L3MBTL2: variants seen among roughly 807,000 people sequenced by gnomAD.
L3MBTL2 encodes the protein L3MBTL histone methyl-lysine binding protein 2.
Under a neutral mutation model 86.4 loss-of-function variants are expected in L3MBTL2, and 49 were observed. The ratio of observed to expected loss-of-function variants is 0.57; its 90% confidence interval spans 0.45 to 0.72. L3MBTL2 has a LOEUF of 0.72. Ranked by LOEUF, L3MBTL2 falls within the 30% of genes least tolerant of loss-of-function variation. L3MBTL2 has a pLI of 0.00. For synonymous variants in L3MBTL2, 336 were observed against 350.6 expected (o/e 0.96, Z 0.47); for missense variants, 755 against 923.7 (o/e 0.82, Z 2.37).
chr22:41,222,793 G>A lies in L3MBTL2; in HGVS notation c.943-1227G>A, dbSNP rs143555540. On this transcript the variant is annotated intron_variant, in intron 8 of 16. Transcript: ENST00000216237. ...AAATTAGCTGGGTGTGGTGGCATGC[G>A]CCTGTAATCCCAGCTAACTCAGGAG... Among the ~76,000 whole-genome samples the A allele has an allele frequency of 9.7e-3, 1,484 of 152,218 alleles. 29 individuals are homozygous for A. Among genetic ancestry groups the A allele is most frequent in the African/African-American group, 0.034 (1,396 of 41,542 alleles).
chr22:41,220,915 G>C (rs754677038), intron 7 of L3MBTL2, 47 bp downstream of exon 7: 1 of 1,586,272 alleles, frequency 6.3e-7, no homozygotes, highest in Non-Finnish European at 8.6e-7. Context: ...AGGGCCCCTG[G>C]TAGAGGGAGA....
chr22:41,229,011 A>G (rs1288726449), intron 15 of L3MBTL2, among the ~76,000 whole-genome samples: 1 of 152,096 alleles, frequency 6.6e-6, no homozygotes, highest in Non-Finnish European at 1.5e-5. Flanking sequence ...TGATCCCAGC[A>G]CTTTGAGAGG....
In L3MBTL2 at chr22:41,225,562, G is replaced by A. The variant is rs1019468874; in HGVS notation, c.1357-232G>A. 7.9e-5 allele frequency among the ~76,000 whole-genome samples: 12 copies of A among 152,334 alleles called. No individual in the cohort carries two copies. Among genetic ancestry groups the A allele is most frequent in the Middle Eastern group, 6.8e-3 (2 of 294 alleles). ...AAGAACACGGTCCAACAGGATGGACGCGGCCCCTGCTGGCGTGGTGTTTGC... is the reference window on the plus strand; with the variant it reads ...AAGAACACGGTCCAACAGGATGGACACGGCCCCTGCTGGCGTGGTGTTTGC... On this transcript the variant is annotated intron_variant, in intron 11 of 16. Transcript: ENST00000216237. The surrounding 1 kb of genome is among the most constrained non-coding windows in gnomAD (Gnocchi z 4.1).
Position 41,217,192 on chromosome 22 carries a change from G to GT in L3MBTL2, c.593dup (p.Lys199GlnfsTer7). ...AGTTACAAGGCTGCTCCCGTCAGCT[G>GT]TTTCAAGCACGTGAGTGCCCTGGAG... On this transcript the variant is annotated frameshift_variant, in exon 5 of 17. Coordinates refer to ENST00000216237, the MANE Select transcript of L3MBTL2 (RefSeq NM_031488.5). LOFTEE classifies it high-confidence loss of function. The GT allele has an allele frequency of 1.9e-6, 3 of 1,613,262 alleles. No homozygotes were observed. The highest frequency in any genetic ancestry group is 2.5e-6 in the Non-Finnish European group (3 of 1,179,820).
rs2032266057 is a variant in L3MBTL2, at chr22:41,227,446, TAAGTAGA to T, written c.1822+124_1822+130del. Reference sequence around the variant, plus strand: ...GGTGGAGATGTCTCATGGACCACTTTAAGTAGAGAGTGAGCCCCGTCACCCAGCCCCT... The same window carrying T: ...GGTGGAGATGTCTCATGGACCACTTTGAGTGAGCCCCGTCACCCAGCCCCT... On this transcript the variant is annotated intron_variant, in intron 14 of 16. Coordinates refer to ENST00000216237, the MANE Select transcript of L3MBTL2 (RefSeq NM_031488.5). This position sits in a 1 kb window ranked among gnomAD's most constrained non-coding sequence, Gnocchi z 6.0. The T allele has an allele frequency of 8.3e-7, 1 of 1,207,074 alleles. No individual in the cohort carries two copies. Among genetic ancestry groups the T allele is most frequent in the Non-Finnish European group, 1.2e-6 (1 of 837,346 alleles). The allele number at this position is 1,207,074 out of a possible 1,614,324, so 74.8% of individuals were successfully genotyped here.
rs115393608 is a variant in L3MBTL2 at position 41,213,388 on chromosome 22, C to G, written c.263-505C>G. Among the ~76,000 whole-genome samples the G allele has an allele frequency of 9.7e-3, 1,474 of 151,318 alleles. 30 individuals are homozygous for G. The highest frequency in any genetic ancestry group is 0.034 in the African/African-American group (1,393 of 41,142). The stretch of plus-strand genomic sequence containing the variant: ...TGCCCAGGCTAGAGGTACAGTGGTG[C>G]AGTCATGGCTCACTGCAGCCTCAGC... On this transcript the variant is annotated intron_variant, in intron 2 of 16. Transcript: ENST00000216237.
At chr22:41,213,440 G>A (rs2031073220) in intron 2 of L3MBTL2, among the ~76,000 whole-genome samples, 1 of 142,386 alleles carries the variant, frequency 7.0e-6, no homozygotes, top group East Asian at 2.1e-4. Flanking sequence ...GTTTCCCCCC[G>A]CCAAATCACA....
chr22:41,229,945 G>A (rs774648723), intron 16 of L3MBTL2, among the ~76,000 whole-genome samples, 194 bp from the exon 17 acceptor site: 6 of 152,106 alleles, frequency 3.9e-5, no homozygotes, highest in Non-Finnish European at 7.4e-5. Context: ...TGGCAGTGTC[G>A]TTGGCATAGC....
rs1193255910 is a variant in L3MBTL2, at chr22:41,225,123, A to C, written c.1356+52A>C. The C allele has an allele frequency of 2.0e-6, 3 of 1,482,216 alleles. No homozygotes were observed. In the African/African-American group the frequency reaches 4.2e-5, roughly 21 times the overall value. The allele number at this position is 1,482,216 out of a possible 1,614,324, so 91.8% of individuals were successfully genotyped here. On this transcript the variant is annotated intron_variant, in intron 11 of 16. Coordinates refer to ENST00000216237, the MANE Select transcript of L3MBTL2 (RefSeq NM_031488.5). The surrounding 1 kb of genome is among the most constrained non-coding windows in gnomAD (Gnocchi z 4.1). ...TCCAGATTTCTGAGCGGGGGGACCC[A>C]TGTGGCCCAGAGCTCTAACCCCACT...
intron 6 of L3MBTL2, among the ~76,000 whole-genome samples, 194 bp downstream of exon 6, chr22:41,219,730 T>C (rs769776420): frequency 6.6e-6 from 1 of 152,206 alleles, no homozygotes; most frequent in Non-Finnish European, 1.5e-5. Flanking sequence ...CCCCAAATTT[T>C]TTTGTTTGTT....
At chr22:41,211,557 C>CTTTCTTTTTTTTTTTTTTTTTTT (rs1039028243) in intron 2 of L3MBTL2, among the ~76,000 whole-genome samples, 1 of 97,358 alleles carries the variant, frequency 1.0e-5, no homozygotes, top group Non-Finnish European at 2.0e-5. Context: ...ATCTTATTTC[C>CTTTCTTTTTTTTTTTTTTTTTTT]TTTTTTTTTT....
At chr22:41,212,803 G>A (rs1481225274) in intron 2 of L3MBTL2, among the ~76,000 whole-genome samples, 1 of 151,578 alleles carries the variant, frequency 6.6e-6, no homozygotes, top group Non-Finnish European at 1.5e-5. Flanking sequence ...GCTGAGGCAG[G>A]AGAATCCCTT....
At chr22:41,210,006 C>T in intron 2 of L3MBTL2, 73 bp downstream of exon 2, 1 of 1,562,554 alleles carries the variant, frequency 6.4e-7, no homozygotes, top group Non-Finnish European at 8.7e-7. Context: ...TGGATATAGG[C>T]TATATGGGCA....
At chr22:41,211,557 C>CTTTCTTTTTTTTTTTTTT (rs1039028243) in intron 2 of L3MBTL2, among the ~76,000 whole-genome samples, 1,126 of 97,256 alleles carry the variant, frequency 0.012, 81 homozygotes, top group Middle Eastern at 0.027. Flanking sequence ...ATCTTATTTC[C>CTTTCTTTTTTTTTTTTTT]TTTTTTTTTT....
At chr22:41,210,011 T>A in intron 2 of L3MBTL2, 78 bp downstream of exon 2, 1 of 1,549,222 alleles carries the variant, frequency 6.5e-7, no homozygotes, top group Non-Finnish European at 8.7e-7. Context: ...ATAGGCTATA[T>A]GGGCAGAGCC....
intron 1 of L3MBTL2, among the ~76,000 whole-genome samples, chr22:41,208,154 C>G (rs1405748527): frequency 1.3e-5 from 2 of 150,062 alleles, no homozygotes; most frequent in Non-Finnish European, 3.0e-5. Flanking sequence ...TCTTTGGAGA[C>G]AGGATGTCAT....
Position 41,217,192 on chromosome 22 carries a change from G to C in L3MBTL2, c.590G>C (p.Cys197Ser). ...DHSYKAAPVS[C>S]FKHVPLYDQW... Reference sequence around the variant, plus strand: ...AGTTACAAGGCTGCTCCCGTCAGCTGTTTCAAGCACGTGAGTGCCCTGGAG... The same window carrying C: ...AGTTACAAGGCTGCTCCCGTCAGCTCTTTCAAGCACGTGAGTGCCCTGGAG... The change falls in exon 5 of 17, where the codon TGT (cysteine) becomes TCT (serine). Residue 197 changes from cysteine (C) to serine (S), a missense_variant. Coordinates refer to ENST00000216237, the MANE Select transcript of L3MBTL2 (RefSeq NM_031488.5). 1 of 1,613,264 alleles carries C rather than the reference G, an allele frequency of 6.2e-7. No individual in the cohort carries two copies. The highest frequency in any genetic ancestry group is 8.5e-7 in the Non-Finnish European group (1 of 1,179,822).
chr22:41,226,282 C>G (rs1474159508), intron 12 of L3MBTL2, among the ~76,000 whole-genome samples: 2 of 151,124 alleles, frequency 1.3e-5, no homozygotes, highest in Non-Finnish European at 3.0e-5. Flanking sequence ...GTCTTCAAAA[C>G]AAAACAGAAG....
intron 1 of L3MBTL2, among the ~76,000 whole-genome samples, chr22:41,206,333 CG>C (rs1032446460): frequency 7.2e-5 from 11 of 152,008 alleles, no homozygotes; most frequent in African/African-American, 2.7e-4. Flanking sequence ...ATTTAAGAGA[CG>C]GGGTGTTCCT....
Sources: gnomAD v4.1 joint callset for allele counts (sites outside exome capture counted in the v4.1 genomes callset) on GRCh38, gnomAD v4.1.1 for gene constraint, Gnocchi (gnomAD v3.1) non-coding constraint, MANE v1.5 for transcripts, NCBI Gene and HGNC (gene_info 2026-07-23, HGNC 2026-07-21) for gene names.